The following WDFY2 variants were observed in gnomAD, a reference collection of about 807,000 sequenced individuals.
WDFY2 encodes the protein WD repeat and FYVE domain-containing protein 2.
A neutral mutation model predicts 56.4 loss-of-function variants in WDFY2; 36 were observed. The ratio of observed to expected loss-of-function variants is 0.64; its 90% CI spans 0.49 to 0.84. The LOEUF (loss-of-function observed/expected upper bound fraction) is 0.84. Among genes scored for constraint, WDFY2 ranks in the 40% least tolerant of loss-of-function variants. The pLI, the probability that WDFY2 is intolerant of heterozygous loss-of-function variation, is 0.00. For missense variants in WDFY2, 444 were observed against 512.2 expected, an observed-to-expected ratio of 0.87 and a Z score of 1.29; for synonymous variants, 176 against 183.7, an observed-to-expected ratio of 0.96 and a Z score of 0.34.
intron 10 of WDFY2, among the ~76,000 whole-genome samples, chr13:51,757,874 T>C (rs1196868228): frequency 6.6e-6 from 1 of 151,966 alleles, no homozygotes; most frequent in Non-Finnish European, 1.5e-5. Context: ...GGCAAGTCCT[T>C]CTGAGCTCAA....
At chr13:51,613,207 T>A in intron 1 of WDFY2, among the ~76,000 whole-genome samples, 1 of 151,698 alleles carries the variant, frequency 6.6e-6, no homozygotes, top group East Asian at 1.9e-4. Context: ...AGACCCTGTC[T>A]CTAAAAAATA....
chr13:51,620,091 A>G (rs1006276323), intron 1 of WDFY2, among the ~76,000 whole-genome samples: 8 of 152,158 alleles, frequency 5.3e-5, no homozygotes, highest in Admixed American at 1.3e-4. Context: ...CAGCGCCCAA[A>G]TCTGGTTCCA....
At chr13:51,751,449 G>T in intron 8 of WDFY2, 34 bp downstream of exon 8, 2 of 1,588,292 alleles carry the variant, frequency 1.3e-6, no homozygotes, top group East Asian at 2.2e-5. Flanking sequence ...TGGGCCCTGT[G>T]GTTCTGGCCC....
In WDFY2 at chr13:51,761,826, A is replaced by G. The variant is rs775491935; in HGVS notation, c.*2057A>G. Reference sequence around the variant, plus strand: ...GTACATGGAAGCTGTCACTTGAGCCATCAGACCGGCTCAGCCCATGTGACC... The same window carrying G: ...GTACATGGAAGCTGTCACTTGAGCCGTCAGACCGGCTCAGCCCATGTGACC... On this transcript the variant is annotated 3_prime_UTR_variant, in exon 12 of 12. Coordinates refer to ENST00000298125, the MANE Select transcript of WDFY2 (RefSeq NM_052950.4). 6.6e-6 allele frequency: 1 copy of G among 152,172 alleles called. No homozygotes were observed. Among genetic ancestry groups the G allele is most frequent in the African/African-American group, 2.4e-5 (1 of 41,438 alleles). 9.4% of individuals were successfully genotyped at this position (152,172 alleles called of 1,614,324 possible). A position where few individuals can be genotyped will look rare whatever the true frequency, so the allele number is the denominator to read the frequency against.
intron 1 of WDFY2, among the ~76,000 whole-genome samples, chr13:51,645,819 T>A (rs1347660356): frequency 6.6e-6 from 1 of 152,202 alleles, no homozygotes; most frequent in African/African-American, 2.4e-5. Context: ...CTACTCCTTA[T>A]ATGCTGATGT....
At chr13:51,670,489 G>GCACGCACACACA (rs1955787246) in intron 2 of WDFY2, among the ~76,000 whole-genome samples, 1 of 131,420 alleles carries the variant, frequency 7.6e-6, no homozygotes, top group African/African-American at 2.9e-5. Context: ...GTGCGCACAT[G>GCACGCACACACA]CACACACACA....
intron 1 of WDFY2, among the ~76,000 whole-genome samples, chr13:51,643,451 A>G (rs921690102): frequency 6.6e-6 from 1 of 152,224 alleles, no homozygotes; most frequent in Non-Finnish European, 1.5e-5. Flanking sequence ...GTAGGATGAC[A>G]CAGACCATGC....
intron 1 of WDFY2, among the ~76,000 whole-genome samples, chr13:51,655,418 G>T (rs1159400420): frequency 3.3e-5 from 5 of 151,180 alleles, no homozygotes; most frequent in African/African-American, 1.2e-4. Flanking sequence ...GTTGAATTTT[G>T]TCAAATGCAT....
intron 2 of WDFY2, among the ~76,000 whole-genome samples, chr13:51,666,448 T>G (rs1310223617): frequency 6.6e-6 from 1 of 152,212 alleles, no homozygotes; most frequent in East Asian, 1.9e-4. Flanking sequence ...CACAGCCTAC[T>G]GGTGTGGTCT....
At chr13:51,669,485 T>C (rs1397528109) in intron 2 of WDFY2, among the ~76,000 whole-genome samples, 1 of 152,220 alleles carries the variant, frequency 6.6e-6, no homozygotes, top group African/African-American at 2.4e-5. Flanking sequence ...CAGTTTAGTT[T>C]TTTTTATCTT....
At chr13:51,701,032 A>G (rs534996349) in intron 3 of WDFY2, among the ~76,000 whole-genome samples, 1 of 152,310 alleles carries the variant, frequency 6.6e-6, no homozygotes, top group South Asian at 2.1e-4. Flanking sequence ...ATGAGTATGT[A>G]CTCATGTGGA....
chr13:51,634,215 G>T (rs186467159), intron 1 of WDFY2, among the ~76,000 whole-genome samples: 3 of 151,624 alleles, frequency 2.0e-5, no homozygotes, highest in Admixed American at 6.6e-5. Flanking sequence ...TTATTACAGG[G>T]CTTTAACAAC....
intron 3 of WDFY2, among the ~76,000 whole-genome samples, chr13:51,688,465 CAA>C (rs2138536027): frequency 6.6e-6 from 1 of 152,190 alleles, no homozygotes; most frequent in African/African-American, 2.4e-5. Flanking sequence ...GATAAAAAAT[CAA>C]GAGACAGATC....
At chr13:51,734,120 C>G (rs1952783469) in intron 6 of WDFY2, among the ~76,000 whole-genome samples, 1 of 152,134 alleles carries the variant, frequency 6.6e-6, no homozygotes, top group Non-Finnish European at 1.5e-5. Flanking sequence ...ACTCCCTCTG[C>G]TAAGTTACCA....
intron 2 of WDFY2, among the ~76,000 whole-genome samples, chr13:51,669,125 T>C (rs1955764092): frequency 6.6e-6 from 1 of 152,216 alleles, no homozygotes; most frequent in Admixed American, 6.5e-5. Flanking sequence ...GAGATTTTTA[T>C]GCTGATCTCT....
intron 4 of WDFY2, among the ~76,000 whole-genome samples, chr13:51,715,981 C>T (rs538950309): frequency 1.3e-5 from 2 of 152,240 alleles, no homozygotes; most frequent in Admixed American, 6.5e-5. Context: ...GAAATAACCT[C>T]AATGTCCATC....
chr13:51,745,284 A>G (rs1953068721), intron 7 of WDFY2, among the ~76,000 whole-genome samples: 1 of 152,256 alleles, frequency 6.6e-6, no homozygotes, highest in Admixed American at 6.5e-5. Context: ...TTTTAAAAAA[A>G]TGAATACATG....
chr13:51,634,965 GTC>G (rs1240148802), intron 1 of WDFY2, among the ~76,000 whole-genome samples: 1 of 152,036 alleles, frequency 6.6e-6, no homozygotes, highest in East Asian at 1.9e-4. Context: ...TTGAGATGGA[GTC>G]TCTCTCTGTT....
intron 7 of WDFY2, among the ~76,000 whole-genome samples, chr13:51,746,079 T>C (rs1449015319): frequency 6.7e-6 from 1 of 149,478 alleles, no homozygotes; most frequent in Non-Finnish European, 1.5e-5. Context: ...AGGTTCAAGC[T>C]ATTCTCCTGC....
Sources: gnomAD v4.1 joint callset for allele counts (sites outside exome capture counted in the v4.1 genomes callset) on GRCh38, gnomAD v4.1.1 for gene constraint, MANE v1.5 for transcripts, NCBI Gene and HGNC (gene_info 2026-07-23, HGNC 2026-07-21) for gene names.